The following KIAA2013 variants were observed in gnomAD, a reference collection of about 807,000 sequenced individuals.
KIAA2013 encodes uncharacterized protein KIAA2013.
A neutral mutation model predicts 39.9 loss-of-function variants in KIAA2013; 20 were observed. The ratio of observed to expected loss-of-function variants is 0.50; its 90% CI spans 0.35 to 0.73. The LOEUF (loss-of-function observed/expected upper bound fraction) is 0.73, where lower values mean the gene tolerates loss of function less well. KIAA2013 is among the 30% of genes least tolerant of loss of function. The pLI is 0.01. For missense variants in KIAA2013, 587 were observed against 856.1 expected, an observed-to-expected ratio of 0.69 and a Z score of 3.92; for synonymous variants, 336 against 416.6, an observed-to-expected ratio of 0.81 and a Z score of 2.35.
rs1645501790 is a variant in KIAA2013 at position 11,925,675 on chromosome 1, A to G, written c.563T>C (p.Leu188Pro). Reference sequence around the variant, plus strand: ...CCTGTGCGCCAGAAAGTCCTCTTGCAGCAGCACGCAGTCGCGGCCGGACCC... The same window carrying G: ...CCTGTGCGCCAGAAAGTCCTCTTGCGGCAGCACGCAGTCGCGGCCGGACCC... The part of the protein sequence containing the change: ...AAGSGRDCVL[L>P]QEDFLAHRGR... Residue 188 changes from leucine (L) to proline (P), a missense_variant, in exon 1 of 3, where the codon CTG becomes CCG. Transcript: ENST00000376572. The surrounding 1 kb of genome is among the most constrained non-coding windows in gnomAD (Gnocchi z 5.2). The G allele has an allele frequency of 6.2e-7, 1 of 1,603,672 alleles. No individual in the cohort carries two copies.
chr1:11,922,290 AGGG>A (rs1645479170), intron 2 of KIAA2013: 1 of 1,285,564 alleles, frequency 7.8e-7, no homozygotes, highest in East Asian at 2.7e-5. Flanking sequence ...CCTGGGCTCA[AGGG>A]ATTCTCCCAT....
intron 2 of KIAA2013, 129 bp from the exon 3 acceptor site, chr1:11,920,461 C>CG: frequency 1.1e-6 from 1 of 942,538 alleles, no homozygotes; most frequent in Non-Finnish European, 1.7e-6. Flanking sequence ...GCAGAATTAC[C>CG]ACGGACTCAG....
Position 11,926,321 on chromosome 1 carries a change from T to G in KIAA2013, c.-84A>C. Reference sequence around the variant, plus strand: ...ACCGGCCCGGCCGCCCGCGCCTCACTGCCCGGCCCGGACCGCGGCGCCCAC... The same window carrying G: ...ACCGGCCCGGCCGCCCGCGCCTCACGGCCCGGCCCGGACCGCGGCGCCCAC... On this transcript the variant is annotated 5_prime_UTR_variant, in exon 1 of 3. Coordinates refer to ENST00000376572, the MANE Select transcript of KIAA2013 (RefSeq NM_138346.3). 3.1e-6 allele frequency: 2 copies of G among 651,888 alleles called. No homozygotes were observed. The highest frequency in any genetic ancestry group is 1.9e-6 in the Non-Finnish European group (1 of 525,250). The allele number at this position is 651,888 out of a possible 1,614,324, so 40.4% of individuals were successfully genotyped here. A position where few individuals can be genotyped will look rare whatever the true frequency, so the allele number is the denominator to read the frequency against.
rs772499680 is a variant in KIAA2013 at position 11,923,150 on chromosome 1, A to G, written c.1373T>C (p.Phe458Ser). ...GTTCTCTGTGAACTGCAGCCCCCCA[A>G]AGCTGAGCACCATCCCCTGCAGGAT... ...PGILQGMVLSFGGLQFTENHL... is the reference protein window; with the variant it reads ...PGILQGMVLSSGGLQFTENHL... Residue 458 changes from phenylalanine (F) to serine (S), a missense_variant, in exon 2 of 3, where the codon TTT becomes TCT. By Grantham distance (155) the Phe-to-Ser change is radical (BLOSUM62 -2). Transcript: ENST00000376572. The surrounding 1 kb of genome is among the most constrained non-coding windows in gnomAD (Gnocchi z 4.6). The G allele has an allele frequency of 6.2e-7, 1 of 1,612,796 alleles. No homozygotes were observed. The highest frequency in any genetic ancestry group is 8.5e-7 in the Non-Finnish European group (1 of 1,179,300).
chr1:11,923,120 A>T lies in KIAA2013; in HGVS notation c.1403T>A (p.Leu468His). Reference protein sequence around the residue: ...FGGLQFTENHLQFQADPDVLH... With the variant: ...FGGLQFTENHHQFQADPDVLH... ...CACGTCGGGGTCGGCCTGGAACTGG[A>T]GGTGGTTCTCTGTGAACTGCAGCCC... The change falls in exon 2 of 3, where the codon CTC becomes CAC. Residue 468 changes from leucine (L) to histidine (H), a missense_variant. By Grantham distance (99) the Leu-to-His change is moderately conservative. Coordinates refer to ENST00000376572, the MANE Select transcript of KIAA2013 (RefSeq NM_138346.3). This position sits in a 1 kb window ranked among gnomAD's most constrained non-coding sequence, Gnocchi z 4.6. The T allele has an allele frequency of 6.2e-7, 1 of 1,609,800 alleles. No individual in the cohort carries two copies. Among genetic ancestry groups the T allele is most frequent in the African/African-American group, 1.3e-5 (1 of 74,930 alleles).
In KIAA2013 at chr1:11,925,195, C is replaced by T; in HGVS notation, c.1033+10G>A. The T allele has an allele frequency of 6.4e-7, 1 of 1,559,892 alleles. No homozygotes were observed. The highest frequency in any genetic ancestry group is 1.8e-5 in the Admixed American group (1 of 54,118). ...TATCTAGGGTGGACCAAGCGCTGGC[C>T]AGGACTCACCTGGGCTGAAGAGCTG... On this transcript the variant is annotated intron_variant, in intron 1 of 2. Transcript: ENST00000376572. This position sits in a 1 kb window ranked among gnomAD's most constrained non-coding sequence, Gnocchi z 5.2.
Position 11,923,584 on chromosome 1 carries a change from T to C in KIAA2013, c.1034-95A>G, listed in dbSNP as rs1645488488. ...CCAAGGGCAGCAGAAGAGTGAGGTG[T>C]TGTGCCTTAATGATAAAGACAGTGG... On this transcript the variant is annotated intron_variant, in intron 1 of 2. Coordinates refer to ENST00000376572, the MANE Select transcript of KIAA2013 (RefSeq NM_138346.3). This position sits in a 1 kb window ranked among gnomAD's most constrained non-coding sequence, Gnocchi z 4.6. 17 of 1,314,400 alleles carry C rather than the reference T, an allele frequency of 1.3e-5. No homozygotes were observed. The East Asian group carries it at 3.9e-4, about 30-fold the overall frequency. 81.4% of individuals were successfully genotyped at this position (1,314,400 alleles called of 1,614,324 possible).
Position 11,922,813 on chromosome 1 carries a change from C to T in KIAA2013, c.1710G>A (p.Thr570=), listed in dbSNP as rs771742443. Residue 570 remains threonine, a synonymous_variant, in exon 2 of 3, where the codon ACG becomes ACA. Coordinates refer to ENST00000376572, the MANE Select transcript of KIAA2013 (RefSeq NM_138346.3). ...DLTHLQDLRH[T]LHLKAILAHD... ...GGGCCAGGATGGCCTTGAGGTGCAG[C>T]GTGTGCCGCAGGTCCTGCAGGTGTG... The T allele has an allele frequency of 7.4e-6, 12 of 1,612,554 alleles. No homozygotes were observed. Among genetic ancestry groups the T allele is most frequent in the South Asian group, 2.2e-5 (2 of 90,916 alleles).
Position 11,926,203 on chromosome 1 carries a change from C to G in KIAA2013, c.35G>C (p.Gly12Ala), listed in dbSNP as rs1369079460. 5.9e-6 allele frequency: 8 copies of G among 1,352,268 alleles called. No homozygotes were observed. The highest frequency in any genetic ancestry group is 7.7e-6 in the Non-Finnish European group (8 of 1,041,392). The allele number at this position is 1,352,268 out of a possible 1,614,324, so 83.8% of individuals were successfully genotyped here. ...WLQQRLKGLP[G>A]LLSSSWARRL... ...GCGGGCCCAGCTGCTCGACAGCAGT[C>G]CCGGCAGCCCCTTGAGCCGCTGCTG... Residue 12 changes from glycine (G) to alanine (A), a missense_variant, in exon 1 of 3, where the codon GGA (glycine) becomes GCA (alanine). Physicochemically the swap from Gly to Ala is moderately conservative, Grantham distance 60. Transcript: ENST00000376572.
At chr1:11,922,344 C>G in intron 2 of KIAA2013, 1 of 1,422,818 alleles carries the variant, frequency 7.0e-7, no homozygotes, top group Non-Finnish European at 9.1e-7. Flanking sequence ...CACAAGCCAC[C>G]ACACCCAGCT....
rs1394201056 is a variant in KIAA2013 at position 11,920,334 on chromosome 1, T to C, written c.1888-2A>G. On this transcript the variant is annotated splice_acceptor_variant, in intron 2 of 2. Coordinates refer to ENST00000376572, the MANE Select transcript of KIAA2013 (RefSeq NM_138346.3). LOFTEE classifies it high-confidence loss of function. Reference sequence around the variant, plus strand: ...GTTCACTCAGACACTGGGATCTTCCTGTTCAATTCACAAAACAAGTGTGAT... The same window carrying C: ...GTTCACTCAGACACTGGGATCTTCCCGTTCAATTCACAAAACAAGTGTGAT... 2 of 1,614,036 alleles carry C rather than the reference T, an allele frequency of 1.2e-6. No individual in the cohort carries two copies. Among genetic ancestry groups the C allele is most frequent in the Non-Finnish European group, 8.5e-7 (1 of 1,179,972 alleles).
rs1466751416 is a variant in KIAA2013, at chr1:11,925,605, G to A, written c.633C>T (p.Pro211=). The change falls in exon 1 of 3, where the codon CCC becomes CCT. Residue 211 remains proline (P), a synonymous_variant. Transcript: ENST00000376572. This position sits in a 1 kb window ranked among gnomAD's most constrained non-coding sequence, Gnocchi z 5.2. The part of the protein sequence containing the change: ...VYLQRIQLNN[P]TERVAALQTV... Reference sequence around the variant, plus strand: ...TCTGCAGCGCGGCCACGCGCTCCGTGGGGTTGTTGAGCTGGATGCGCTGCA... The same window carrying A: ...TCTGCAGCGCGGCCACGCGCTCCGTAGGGTTGTTGAGCTGGATGCGCTGCA... 1.2e-6 allele frequency: 2 copies of A among 1,609,808 alleles called. No individual in the cohort carries two copies. The highest frequency in any genetic ancestry group is 2.7e-5 in the African/African-American group (2 of 74,886).
In KIAA2013 at chr1:11,924,087, G is replaced by A. The variant is rs187921005; in HGVS notation, c.1034-598C>T. ...CAATAGACACTTGCTGAATAAACAC[G>A]TGCTGGGCCCCTTTGCTACTGATGG... On this transcript the variant is annotated intron_variant, in intron 1 of 2. Coordinates refer to ENST00000376572, the MANE Select transcript of KIAA2013 (RefSeq NM_138346.3). Among the ~76,000 whole-genome samples the A allele has an allele frequency of 6.6e-3, 996 of 151,556 alleles. 4 individuals are homozygous for A. The highest frequency in any genetic ancestry group is 0.011 in the Non-Finnish European group (769 of 67,806).
chr1:11,920,962 C>T (rs1645470988), intron 2 of KIAA2013, among the ~76,000 whole-genome samples: 1 of 152,042 alleles, frequency 6.6e-6, no homozygotes, highest in African/African-American at 2.4e-5. Flanking sequence ...TCTCTGACTA[C>T]TTGGGGGCAC....
chr1:11,923,143 C>A lies in KIAA2013; in HGVS notation c.1380G>T (p.Gly460=), dbSNP rs755698565. Residue 460 remains glycine, a synonymous_variant, in exon 2 of 3, where the codon GGG becomes GGT. Transcript: ENST00000376572. The surrounding 1 kb of genome is among the most constrained non-coding windows in gnomAD (Gnocchi z 4.6). ...GGAGGTGGTTCTCTGTGAACTGCAG[C>A]CCCCCAAAGCTGAGCACCATCCCCT... The part of the protein sequence containing the change: ...ILQGMVLSFG[G]LQFTENHLQF... 1 of 1,610,386 alleles carries A rather than the reference C, an allele frequency of 6.2e-7. No individual in the cohort carries two copies. The highest frequency in any genetic ancestry group is 8.5e-7 in the Non-Finnish European group (1 of 1,177,650).
chr1:11,922,447 C>T, intron 2 of KIAA2013, 189 bp downstream of exon 2: 1 of 1,462,014 alleles, frequency 6.8e-7, no homozygotes, highest in South Asian at 1.4e-5. Context: ...ACCTGGATTT[C>T]CAGCTTTCCC....
In KIAA2013 at chr1:11,926,255, G is replaced by T; in HGVS notation, c.-18C>A. 8.8e-7 allele frequency: 1 copy of T among 1,136,218 alleles called. No homozygotes were observed. Among genetic ancestry groups the T allele is most frequent in the Non-Finnish European group, 1.1e-6 (1 of 926,062 alleles). 70.4% of individuals were successfully genotyped at this position (1,136,218 alleles called of 1,614,324 possible). Reference sequence around the variant, plus strand: ...AGCCACATCGGGCCGCCAGGCGCGGGCAAGGGTGCGAGGGCGGCCGCCGGG... The same window carrying T: ...AGCCACATCGGGCCGCCAGGCGCGGTCAAGGGTGCGAGGGCGGCCGCCGGG... On this transcript the variant is annotated 5_prime_UTR_variant, in exon 1 of 3. Coordinates refer to ENST00000376572, the MANE Select transcript of KIAA2013 (RefSeq NM_138346.3).
chr1:11,925,886 C>T lies in KIAA2013; in HGVS notation c.352G>A (p.Val118Met), dbSNP rs1455571729. Reference protein sequence around the residue: ...WVTPGEREPAVAPDFVPFVQL... With the variant: ...WVTPGEREPAMAPDFVPFVQL... ...ACGAAGGGCACAAAGTCCGGCGCCA[C>T]GGCGGGCTCCCGCTCCCCGGGAGTC... is the stretch of plus-strand genomic sequence containing the variant. The change falls in exon 1 of 3, where the codon GTG becomes ATG. Residue 118 changes from valine (V) to methionine (M), a missense_variant. Val to Met is a conservative substitution (Grantham distance 21, BLOSUM62 1). Transcript: ENST00000376572. This position sits in a 1 kb window ranked among gnomAD's most constrained non-coding sequence, Gnocchi z 5.2. 5 of 1,527,238 alleles carry T rather than the reference C, an allele frequency of 3.3e-6. No homozygotes were observed. The South Asian group carries it at 4.8e-5, about 15-fold the overall frequency. The allele number at this position is 1,527,238 out of a possible 1,614,324, so 94.6% of individuals were successfully genotyped here. A position where few individuals can be genotyped will look rare whatever the true frequency, so the allele number is the denominator to read the frequency against.
rs767444971 is a variant in KIAA2013, at chr1:11,922,967, T to C, written c.1556A>G (p.Lys519Arg). Residue 519 changes from lysine (K) to arginine (R), a missense_variant, in exon 2 of 3, where the codon AAG becomes AGG. By Grantham distance (26) the Lys-to-Arg change is conservative (BLOSUM62 2). Coordinates refer to ENST00000376572, the MANE Select transcript of KIAA2013 (RefSeq NM_138346.3). ...GCAGCCTGCCTTGCAGGCATAGATC[T>C]TGACAGGCTGGCCACGGGACTCCAC... ...VSVESRGQPV[K>R]IYACKAGCLD... The C allele has an allele frequency of 1.1e-5, 17 of 1,612,426 alleles. No homozygotes were observed. The highest frequency in any genetic ancestry group is 1.4e-5 in the Non-Finnish European group (16 of 1,178,758).
Sources: allele counts gnomAD v4.1 joint callset (sites outside exome capture counted in the v4.1 genomes callset), GRCh38; gene constraint gnomAD v4.1.1; non-coding constraint Gnocchi (gnomAD v3.1); transcripts MANE v1.5; gene names NCBI Gene and HGNC (gene_info 2026-07-23, HGNC 2026-07-21).